DLC1: variants seen among roughly 807,000 people sequenced by gnomAD.
DLC1 encodes the protein rho GTPase-activating protein 7.
A neutral mutation model predicts 140.3 loss-of-function variants in DLC1; 54 were observed. The ratio of observed to expected loss-of-function variants is 0.38; its 90% CI spans 0.31 to 0.48. The LOEUF (loss-of-function observed/expected upper bound fraction) is 0.48, where lower values mean the gene tolerates loss of function less well. DLC1 is among the 20% of genes least tolerant of loss of function. DLC1 has a pLI of 0.96. For missense variants in DLC1, 2,536 were observed against 1,907.0 expected (o/e 1.33, Z -6.14); for synonymous variants, 986 against 728.1 (o/e 1.35, Z -5.70).
At chr8:13,424,595 T>C (rs1442408978) in intron 2 of DLC1, among the ~76,000 whole-genome samples, 1 of 152,078 alleles carries the variant, frequency 6.6e-6, no homozygotes, top group Non-Finnish European at 1.5e-5. Flanking sequence ...CTTTCTGAGA[T>C]GGAGTCTGGC....
At chr8:13,158,832 T>C (rs1411065465) in intron 5 of DLC1, among the ~76,000 whole-genome samples, 1 of 150,880 alleles carries the variant, frequency 6.6e-6, no homozygotes, top group African/African-American at 2.4e-5. Context: ...AGGTAGTTTG[T>C]TTAGCTTCAT....
intron 2 of DLC1, among the ~76,000 whole-genome samples, chr8:13,461,688 G>T (rs532380649): frequency 1.3e-5 from 2 of 152,016 alleles, no homozygotes; most frequent in African/African-American, 4.8e-5. Flanking sequence ...CATCCTCTCC[G>T]CAAAGTGTTC....
chr8:13,298,081 C>A (rs1218096003), intron 5 of DLC1, among the ~76,000 whole-genome samples: 1 of 152,058 alleles, frequency 6.6e-6, no homozygotes, highest in Non-Finnish European at 1.5e-5. Context: ...GTCTTATGAC[C>A]ACAACACAAA....
At chr8:13,520,061 G>A (rs1324808112) in intron 1 of DLC1, among the ~76,000 whole-genome samples, 2 of 152,204 alleles carry the variant, frequency 1.3e-5, no homozygotes, top group African/African-American at 2.4e-5. Flanking sequence ...GTAAGACAGT[G>A]TGGCGATTCC....
At chr8:13,546,973 C>T (rs1386255853) in intron 1 of DLC1, among the ~76,000 whole-genome samples, 5 of 152,100 alleles carry the variant, frequency 3.3e-5, no homozygotes, top group African/African-American at 1.2e-4. Context: ...ATATAAAAAA[C>T]ATAGACTTAG....
intron 1 of DLC1, among the ~76,000 whole-genome samples, chr8:13,503,141 A>C (rs529081431): frequency 6.6e-6 from 1 of 152,358 alleles, no homozygotes; most frequent in South Asian, 2.1e-4. Context: ...ATGATGGCTC[A>C]CGCCTGTAAT....
chr8:13,266,928 T>G (rs1184888501), intron 5 of DLC1, among the ~76,000 whole-genome samples: 2 of 152,220 alleles, frequency 1.3e-5, no homozygotes, highest in African/African-American at 4.8e-5. Context: ...TCTTCATTGG[T>G]TTACCAACCC....
chr8:13,350,176 CCTT>C (rs1834574614), intron 4 of DLC1, among the ~76,000 whole-genome samples: 1 of 152,118 alleles, frequency 6.6e-6, no homozygotes, highest in Admixed American at 6.5e-5. Context: ...CACAGCTATT[CCTT>C]CTTCTTACAA....
chr8:13,245,475 C>A (rs570565553), intron 5 of DLC1, among the ~76,000 whole-genome samples: 1 of 152,154 alleles, frequency 6.6e-6, no homozygotes, highest in Non-Finnish European at 1.5e-5. Context: ...AATGCACAGC[C>A]GCAGCAGAAA....
At chr8:13,189,774 C>T (rs1301507492) in intron 5 of DLC1, among the ~76,000 whole-genome samples, 1 of 151,298 alleles carries the variant, frequency 6.6e-6, no homozygotes, top group Non-Finnish European at 1.5e-5. Context: ...CCCAGCTACT[C>T]GGGAGGCTGA....
At chr8:13,448,318 A>G (rs1014871808) in intron 2 of DLC1, among the ~76,000 whole-genome samples, 4 of 151,940 alleles carry the variant, frequency 2.6e-5, no homozygotes, top group Admixed American at 2.6e-4. Context: ...GACTGAAAGA[A>G]TATCTTCTTT....
At chr8:13,238,811 G>C (rs1478029722) in intron 5 of DLC1, among the ~76,000 whole-genome samples, 2 of 152,098 alleles carry the variant, frequency 1.3e-5, no homozygotes, top group Non-Finnish European at 2.9e-5. Context: ...CCTCTCAAGT[G>C]ATGTGTATGC....
At chr8:13,215,040 A>T (rs1563170716) in intron 5 of DLC1, among the ~76,000 whole-genome samples, 1 of 152,206 alleles carries the variant, frequency 6.6e-6, no homozygotes, top group Non-Finnish European at 1.5e-5. Context: ...GCAAATAATT[A>T]TAGAGGCTAC....
intron 2 of DLC1, among the ~76,000 whole-genome samples, chr8:13,465,188 T>C (rs998582369): frequency 2.6e-5 from 4 of 152,236 alleles, no homozygotes; most frequent in Admixed American, 6.5e-5. Flanking sequence ...TTAATTATTA[T>C]GAGCAGTAAT....
chr8:13,408,585 C>A (rs1837663175), intron 2 of DLC1, among the ~76,000 whole-genome samples: 1 of 152,154 alleles, frequency 6.6e-6, no homozygotes, highest in Non-Finnish European at 1.5e-5. Flanking sequence ...GCGGGGAGAA[C>A]TGAGGCCCAT....
At chr8:13,151,796 G>A (rs568894544) in intron 5 of DLC1, among the ~76,000 whole-genome samples, 1 of 152,114 alleles carries the variant, frequency 6.6e-6, no homozygotes, top group Non-Finnish European at 1.5e-5. Flanking sequence ...GTTGGGGAAA[G>A]ACTTTTTATT....
At chr8:13,126,368 TACACACACAC>T (rs3065349) in intron 5 of DLC1, among the ~76,000 whole-genome samples, 3 of 145,494 alleles carry the variant, frequency 2.1e-5, no homozygotes, top group South Asian at 2.2e-4. Context: ...TCTCTATCCA[TACACACACAC>T]ACACACACAC....
intron 4 of DLC1, among the ~76,000 whole-genome samples, chr8:13,351,981 G>C (rs1197257290): frequency 6.6e-6 from 1 of 152,138 alleles, no homozygotes; most frequent in South Asian, 2.1e-4. Flanking sequence ...TGATCTGCCC[G>C]CCTTGGCCTC....
intron 5 of DLC1, among the ~76,000 whole-genome samples, chr8:13,280,568 G>C (rs979922166): frequency 1.3e-5 from 2 of 152,012 alleles, no homozygotes; most frequent in African/African-American, 2.4e-5. Flanking sequence ...AATTTTGTCT[G>C]ATTTATACAT....
Sources: allele counts gnomAD v4.1 joint callset (sites outside exome capture counted in the v4.1 genomes callset), GRCh38; gene constraint gnomAD v4.1.1; transcripts MANE v1.5; gene names NCBI Gene and HGNC (gene_info 2026-07-23, HGNC 2026-07-21).